Variants in IARS2 observed in about 807,000 individuals in gnomAD.
The protein encoded by IARS2 is isoleucine--tRNA ligase, mitochondrial.
A neutral mutation model predicts 126.3 loss-of-function variants in IARS2; 56 were observed. That is an observed-to-expected ratio of 0.44 (90% confidence interval 0.36 to 0.55). The LOEUF is 0.55. Among genes scored for constraint, IARS2 ranks in the 20% least tolerant of loss-of-function variants. IARS2 has a pLI of 0.00. For synonymous variants in IARS2, 407 were observed against 441.1 expected (o/e 0.92, Z 0.97); for missense variants, 1,127 against 1,245.9 (o/e 0.90, Z 1.44).
At chr1:220,119,976 A>G (rs919816262) in intron 12 of IARS2, among the ~76,000 whole-genome samples, 5 of 151,902 alleles carry the variant, frequency 3.3e-5, no homozygotes, top group African/African-American at 1.2e-4. Flanking sequence ...TTGTTTGAAC[A>G]TTAAGTTTAT....
chr1:220,122,313 C>T (rs181403749), intron 12 of IARS2, among the ~76,000 whole-genome samples: 46 of 152,292 alleles, frequency 3.0e-4, no homozygotes, highest in Non-Finnish European at 5.7e-4. Flanking sequence ...GGTCTTTGGA[C>T]TTAGTGCTTG....
At chr1:220,105,399 A>G (rs898234843) in intron 8 of IARS2, among the ~76,000 whole-genome samples, 2 of 152,176 alleles carry the variant, frequency 1.3e-5, no homozygotes, top group Admixed American at 6.5e-5. Context: ...ACTATCAGAT[A>G]ATTATTGAGT....
chr1:220,130,659 G>A (rs899941296), intron 14 of IARS2, among the ~76,000 whole-genome samples: 4 of 152,106 alleles, frequency 2.6e-5, no homozygotes, highest in African/African-American at 4.8e-5. Flanking sequence ...CTGGGTTCAC[G>A]CCATTCTCCT....
intron 12 of IARS2, among the ~76,000 whole-genome samples, chr1:220,117,184 C>CTTTTTTTTTTTTTTTTTTTT (rs1192537887): frequency 2.1e-5 from 1 of 48,460 alleles, no homozygotes; most frequent in African/African-American, 8.5e-5. Flanking sequence ...GTCTCCTCTT[C>CTTTTTTTTTTTTTTTTTTTT]TTTTTTTTTT....
At chr1:220,112,031 A>G (rs1259758598) in intron 11 of IARS2, among the ~76,000 whole-genome samples, 1 of 151,918 alleles carries the variant, frequency 6.6e-6, no homozygotes, top group Non-Finnish European at 1.5e-5. Context: ...TAGTGAGAAT[A>G]GGATAATGTA....
chr1:220,127,327 T>C (rs1186150161), intron 14 of IARS2, among the ~76,000 whole-genome samples: 2 of 152,212 alleles, frequency 1.3e-5, no homozygotes, highest in Admixed American at 1.3e-4. Context: ...TTTTTGTGGC[T>C]TTTTCTCCTC....
intron 18 of IARS2, 53 bp downstream of exon 18, chr1:220,139,192 G>A: frequency 1.3e-6 from 2 of 1,501,348 alleles, no homozygotes; most frequent in Non-Finnish European, 1.8e-6. Flanking sequence ...CACTATTGTA[G>A]GTTAAAATTT....
intron 12 of IARS2, among the ~76,000 whole-genome samples, chr1:220,115,342 C>T (rs1656892766): frequency 6.6e-6 from 1 of 151,930 alleles, no homozygotes; most frequent in South Asian, 2.1e-4. Context: ...GCTGGTGTAT[C>T]ATGAGGTCAG....
At chr1:220,104,150 A>T (rs1656634812) in intron 8 of IARS2, among the ~76,000 whole-genome samples, 1 of 152,078 alleles carries the variant, frequency 6.6e-6, no homozygotes, top group African/African-American at 2.4e-5. Flanking sequence ...ATTTTGAAAA[A>T]ATATTTTACA....
At chr1:220,107,868 C>G (rs1656713234) in intron 10 of IARS2, among the ~76,000 whole-genome samples, 1 of 152,158 alleles carries the variant, frequency 6.6e-6, no homozygotes, top group African/African-American at 2.4e-5. Flanking sequence ...CGTTACTCCA[C>G]TCTCTGCCTG....
intron 2 of IARS2, among the ~76,000 whole-genome samples, chr1:220,098,340 C>T (rs1656492122): frequency 6.6e-6 from 1 of 152,176 alleles, no homozygotes; most frequent in Non-Finnish European, 1.5e-5. Context: ...TTCTCCTCTT[C>T]CTAGAATGCA....
chr1:220,098,081 G>C (rs866425490), intron 2 of IARS2, among the ~76,000 whole-genome samples: 9 of 151,942 alleles, frequency 5.9e-5, no homozygotes, highest in Admixed American at 1.3e-4. Flanking sequence ...TAGAGACGTG[G>C]TTTCACCATG....
intron 11 of IARS2, among the ~76,000 whole-genome samples, chr1:220,114,003 T>TTGGTAATAAAAC (rs1423005784): frequency 3.9e-5 from 6 of 152,322 alleles, no homozygotes; most frequent in Admixed American, 3.9e-4. Context: ...ATTACCAGTT[T>TTGGTAATAAAAC]TGATCTAGGG....
chr1:220,128,193 TC>T (rs2102833510), intron 14 of IARS2, among the ~76,000 whole-genome samples: 1 of 132,752 alleles, frequency 7.5e-6, no homozygotes, highest in African/African-American at 2.9e-5. Flanking sequence ...ATATGCAGTT[TC>T]AGCAGGGCCA....
chr1:220,118,670 C>A, intron 12 of IARS2, among the ~76,000 whole-genome samples: 1 of 152,080 alleles, frequency 6.6e-6, no homozygotes, highest in Non-Finnish European at 1.5e-5. Context: ...GCTATTAATG[C>A]TATAGTTAAC....
intron 16 of IARS2, among the ~76,000 whole-genome samples, chr1:220,137,141 C>T (rs1441266126): frequency 3.9e-5 from 6 of 152,146 alleles, no homozygotes; most frequent in African/African-American, 1.2e-4. Context: ...TTTTAATTGT[C>T]TGAGAGCCTT....
chr1:220,105,551 T>C (rs1250246863), intron 8 of IARS2, among the ~76,000 whole-genome samples: 5 of 152,154 alleles, frequency 3.3e-5, no homozygotes, highest in Non-Finnish European at 7.4e-5. Context: ...GTAGGTTTTC[T>C]TTCCGGAAAA....
At chr1:220,138,751 C>A (rs183272967) in intron 17 of IARS2, among the ~76,000 whole-genome samples, 26 of 152,066 alleles carry the variant, frequency 1.7e-4, no homozygotes, top group African/African-American at 6.0e-4. Context: ...TTTGCCCCAA[C>A]GTAATAAAGA....
intron 12 of IARS2, among the ~76,000 whole-genome samples, chr1:220,120,033 T>C (rs1309508526): frequency 2.6e-5 from 4 of 152,064 alleles, no homozygotes; most frequent in African/African-American, 4.8e-5. Flanking sequence ...GTGGGTTATA[T>C]GTCTGTTTAT....
Sources: allele counts gnomAD v4.1 joint callset (sites outside exome capture counted in the v4.1 genomes callset), GRCh38; gene constraint gnomAD v4.1.1; transcripts MANE v1.5; gene names NCBI Gene and HGNC (gene_info 2026-07-23, HGNC 2026-07-21).